The following SERPINA3 variants were observed in gnomAD, a reference collection of about 807,000 sequenced individuals.
The protein encoded by SERPINA3 is alpha-1-antichymotrypsin.
Under a neutral mutation model 26.8 loss-of-function variants are expected in SERPINA3, and 32 were observed. The observed-to-expected ratio is 1.20, with a 90% CI of 0.90 to 1.61. The LOEUF is 1.61. Among genes scored for constraint, SERPINA3 ranks in the 40% most tolerant of loss-of-function variants. The probability of loss-of-function intolerance (pLI) is 0.00; values close to 1 mark genes in which losing one functional copy is unlikely to be tolerated. For missense variants in SERPINA3, 632 were observed against 517.9 expected (o/e 1.22, Z -2.14); for synonymous variants, 252 against 206.4 (o/e 1.22, Z -1.89).
At chr14:94,623,564 C>A in intron 4 of SERPINA3, 47 bp from the exon 5 acceptor site, 1 of 1,575,856 alleles carries the variant, frequency 6.3e-7, no homozygotes, top group South Asian at 1.1e-5. Context: ...TCGCTGAACT[C>A]CTGCGCATCT....
At chr14:94,619,858 T>C (rs924142224) in intron 3 of SERPINA3, 1 of 274,280 alleles carries the variant, frequency 3.6e-6, no homozygotes, top group African/African-American at 2.2e-5. Context: ...TGAACCACTG[T>C]ATTTATTCAT....
rs781476269 is a variant in SERPINA3 at position 94,614,535 on chromosome 14, G to C, written c.94G>C (p.Glu32Gln). 4 of 1,613,980 alleles carry C rather than the reference G, an allele frequency of 2.5e-6. No homozygotes were observed. In the South Asian group the frequency reaches 4.4e-5, roughly 18 times the overall value. ...LCHPNSPLDE[E>Q]NLTQENQDRG... The stretch of plus-strand genomic sequence containing the variant: ...CCACCCTAACAGCCCACTTGACGAG[G>C]AGAATCTGACCCAGGAGAACCAAGA... The change falls in exon 2 of 5, where the codon GAG becomes CAG. Residue 32 changes from glutamate (E) to glutamine (Q), a missense_variant. Transcript: ENST00000393078.
chr14:94,618,715 CACAT>C (rs1886087752), intron 2 of SERPINA3: 1 of 246,030 alleles, frequency 4.1e-6, no homozygotes, highest in African/African-American at 2.2e-5. Flanking sequence ...CTCACCAACT[CACAT>C]ACAGAACCCA....
intron 2 of SERPINA3, 70 bp from the exon 3 acceptor site, chr14:94,619,125 C>A: frequency 6.3e-7 from 1 of 1,579,330 alleles, no homozygotes; most frequent in Non-Finnish European, 8.7e-7. Context: ...ACTTCCACTG[C>A]TGCGGAAGCA....
rs892818858 is a variant in SERPINA3 at position 94,614,938 on chromosome 14, T to C, written c.497T>C (p.Phe166Ser). The C allele has an allele frequency of 6.2e-7, 1 of 1,613,440 alleles. No homozygotes were observed. Residue 166 changes from phenylalanine to serine, a missense_variant, in exon 2 of 5, where the codon TTT becomes TCT. By Grantham distance (155) the Phe-to-Ser change is radical. Transcript: ENST00000393078. ...DAKRLYGSEA[F>S]ATDFQDSAAA... ...AAGAGGCTGTATGGCTCCGAGGCCTTTGCCACTGACTTTCAGGACTCAGCT... is the reference window on the plus strand; with the variant it reads ...AAGAGGCTGTATGGCTCCGAGGCCTCTGCCACTGACTTTCAGGACTCAGCT...
At chr14:94,614,310 G>T in intron 1 of SERPINA3, 124 bp from the exon 2 acceptor site, 1 of 931,536 alleles carries the variant, frequency 1.1e-6, no homozygotes, top group Non-Finnish European at 1.7e-6. Context: ...CCTACCTGAG[G>T]GAGGCTCCAA....
intron 2 of SERPINA3, among the ~76,000 whole-genome samples, chr14:94,615,919 T>A (rs1463033176): frequency 1.3e-5 from 2 of 152,172 alleles, no homozygotes; most frequent in Admixed American, 1.3e-4. Context: ...CAAAGAGTGA[T>A]CACTGAGCCA....
intron 3 of SERPINA3, 129 bp from the exon 4 acceptor site, chr14:94,622,212 C>A: frequency 1.2e-6 from 1 of 833,606 alleles, no homozygotes. Context: ...AATTGAGGAA[C>A]AGATTATTTA....
intron 2 of SERPINA3, among the ~76,000 whole-genome samples, chr14:94,616,930 T>A (rs1886027119): frequency 6.6e-6 from 1 of 152,022 alleles, no homozygotes; most frequent in South Asian, 2.1e-4. Flanking sequence ...TGGGAGCAGA[T>A]GTGAGAAGAT....
At chr14:94,619,492 A>T in intron 3 of SERPINA3, 24 bp downstream of exon 3, 1 of 1,613,416 alleles carries the variant, frequency 6.2e-7, no homozygotes, top group Non-Finnish European at 8.5e-7. Flanking sequence ...GCCCCCAAAG[A>T]CCCCACATCT....
At chr14:94,612,524 G>A (rs2139950170) in intron 1 of SERPINA3, 77 bp downstream of exon 1, 2 of 887,030 alleles carry the variant, frequency 2.3e-6, no homozygotes, top group Non-Finnish European at 3.3e-6. Context: ...AGCCTGGAGT[G>A]TGTGGAGTGT....
At chr14:94,620,781 G>A (rs927472361) in intron 3 of SERPINA3, among the ~76,000 whole-genome samples, 9 of 152,146 alleles carry the variant, frequency 5.9e-5, no homozygotes, top group African/African-American at 1.7e-4. Context: ...GATTTCATGG[G>A]GACACAGTGA....
chr14:94,614,668 C>T lies in SERPINA3; in HGVS notation c.227C>T (p.Ser76Phe). The change falls in exon 2 of 5, where the codon TCC becomes TTC. Residue 76 changes from serine (S) to phenylalanine (F), a missense_variant. Coordinates refer to ENST00000393078, the MANE Select transcript of SERPINA3 (RefSeq NM_001085.5). Reference sequence around the variant, plus strand: ...GCCCCTGATAAGAATGTCATCTTCTCCCCACTGAGCATCTCCACCGCCTTG... The same window carrying T: ...GCCCCTGATAAGAATGTCATCTTCTTCCCACTGAGCATCTCCACCGCCTTG... ...LKAPDKNVIFSPLSISTALAF... is the reference protein window; with the variant it reads ...LKAPDKNVIFFPLSISTALAF... 4 of 1,614,084 alleles carry T rather than the reference C, an allele frequency of 2.5e-6. No individual in the cohort carries two copies. Among genetic ancestry groups the T allele is most frequent in the Non-Finnish European group, 3.4e-6 (4 of 1,180,006 alleles).
At position 94,615,005 on chromosome 14, in the gene SERPINA3, TA is replaced by T. The variant is rs1376816534; in HGVS notation, c.565del (p.Arg189GlyfsTer7). ...LINDYVKNGT[R>X]GKITDLIKDL... ...TCAACGACTACGTGAAGAATGGAACTAGGGGGAAAATCACAGATCTGATCAA... is the reference window on the plus strand; with the variant it reads ...TCAACGACTACGTGAAGAATGGAACTGGGGGAAAATCACAGATCTGATCAA... On this transcript the variant is annotated frameshift_variant, in exon 2 of 5. Coordinates refer to ENST00000393078, the MANE Select transcript of SERPINA3 (RefSeq NM_001085.5). LOFTEE classifies it high-confidence loss of function. 3.1e-6 allele frequency: 5 copies of T among 1,614,170 alleles called. No individual in the cohort carries two copies. Among genetic ancestry groups the T allele is most frequent in the African/African-American group, 1.3e-5 (1 of 75,060 alleles).
rs1886287862 is a variant in SERPINA3, at chr14:94,623,656, GCA to G, written c.1115_1116del (p.Ala372ValfsTer63). ...TGATGTATTTGAGGAGGGCACAGAA[GCA>G]TCTGCTGCCACAGCAGTCAAAATCA... ...VLDVFEEGTE[A>X]SAATAVKITL... On this transcript the variant is annotated frameshift_variant, in exon 5 of 5. Transcript: ENST00000393078. LOFTEE classifies it low-confidence loss of function (END_TRUNC). 6.2e-7 allele frequency: 1 copy of G among 1,614,052 alleles called. No homozygotes were observed. Among genetic ancestry groups the G allele is most frequent in the Non-Finnish European group, 8.5e-7 (1 of 1,180,042 alleles).
intron 4 of SERPINA3, 33 bp downstream of exon 4, chr14:94,622,524 T>C (rs995196804): frequency 3.1e-6 from 5 of 1,612,446 alleles, no homozygotes; most frequent in African/African-American, 2.7e-5. Flanking sequence ...ATTCATCCTT[T>C]GTATCCGAAC....
rs1333312265 is a variant in SERPINA3, at chr14:94,614,906, G to A, written c.465G>A (p.Glu155=). The change falls in exon 2 of 5, where the codon GAG becomes GAA. Residue 155 remains glutamate (E), a synonymous_variant. Coordinates refer to ENST00000393078, the MANE Select transcript of SERPINA3 (RefSeq NM_001085.5). ...EQLSLLDRFT[E]DAKRLYGSEA... ...TCAGTCTGCTGGACAGGTTCACGGA[G>A]GATGCCAAGAGGCTGTATGGCTCCG... The A allele has an allele frequency of 3.1e-6, 5 of 1,614,044 alleles. No homozygotes were observed. Among genetic ancestry groups the A allele is most frequent in the Non-Finnish European group, 3.4e-6 (4 of 1,180,010 alleles).
chr14:94,619,487 C>A lies in SERPINA3; in HGVS notation c.917+19C>A, dbSNP rs749004679. On this transcript the variant is annotated intron_variant, in intron 3 of 4. Transcript: ENST00000393078. Reference sequence around the variant, plus strand: ...AGTTCAGGTGATTCTTCCTGGCCCCCAAAGACCCCACATCTCTCCACGTCA... The same window carrying A: ...AGTTCAGGTGATTCTTCCTGGCCCCAAAAGACCCCACATCTCTCCACGTCA... 28 of 1,613,544 alleles carry A rather than the reference C, an allele frequency of 1.7e-5. No individual in the cohort carries two copies. Among genetic ancestry groups the A allele is most frequent in the Middle Eastern group, 3.3e-4 (2 of 6,080 alleles).
At position 94,619,343 on chromosome 14, in the gene SERPINA3, G is replaced by A; in HGVS notation, c.792G>A (p.Val264=). The A allele has an allele frequency of 6.2e-7, 1 of 1,614,208 alleles. No homozygotes were observed. Among genetic ancestry groups the A allele is most frequent in the Non-Finnish European group, 8.5e-7 (1 of 1,180,042 alleles). Residue 264 remains valine (V), a synonymous_variant, in exon 3 of 5, where the codon GTG becomes GTA. Coordinates refer to ENST00000393078, the MANE Select transcript of SERPINA3 (RefSeq NM_001085.5). The part of the protein sequence containing the change: ...FRDEELSCTV[V]ELKYTGNASA... ...ACGAGGAGCTGTCCTGCACCGTGGT[G>A]GAGCTGAAGTACACAGGCAATGCCA...
Sources: gnomAD v4.1 joint callset for allele counts (sites outside exome capture counted in the v4.1 genomes callset) on GRCh38, gnomAD v4.1.1 for gene constraint, MANE v1.5 for transcripts, NCBI Gene and HGNC (gene_info 2026-07-23, HGNC 2026-07-21) for gene names.